The following MAP2K1 variants were observed in gnomAD, a reference collection of about 807,000 sequenced individuals.
MAP2K1 encodes the protein dual specificity mitogen-activated protein kinase kinase 1.
Under a neutral mutation model 46.3 loss-of-function variants are expected in MAP2K1, and 16 were observed. The observed-to-expected ratio is 0.35, with a 90% CI of 0.23 to 0.52. The LOEUF (loss-of-function observed/expected upper bound fraction) is 0.52. Among genes scored for constraint, MAP2K1 ranks in the 20% least tolerant of loss-of-function variants. MAP2K1 has a pLI of 0.94. For missense variants in MAP2K1, 263 were observed against 497.1 expected (o/e 0.53, Z 4.48); for synonymous variants, 183 against 185.6 (o/e 0.99, Z 0.11).
At chr15:66,410,138 C>T (rs968876880) in intron 1 of MAP2K1, among the ~76,000 whole-genome samples, 2 of 152,172 alleles carry the variant, frequency 1.3e-5, no homozygotes, top group African/African-American at 4.8e-5. Context: ...TGTGCAGGGC[C>T]CTTGTTTTTT....
chr15:66,426,493 T>C (rs77951277), intron 1 of MAP2K1, among the ~76,000 whole-genome samples: 35 of 152,278 alleles, frequency 2.3e-4, no homozygotes, highest in African/African-American at 7.9e-4. Flanking sequence ...AAAACCTAGT[T>C]CTTCAGTAGA....
rs1411228028 is a variant in MAP2K1, at chr15:66,490,792, C to T, written c.*177C>T. 4 of 689,786 alleles carry T rather than the reference C, an allele frequency of 5.8e-6. No homozygotes were observed. The Admixed American group carries it at 8.1e-5, about 14-fold the overall frequency. 42.7% of individuals were successfully genotyped at this position (689,786 alleles called of 1,614,324 possible). A position where few individuals can be genotyped will look rare whatever the true frequency, so the allele number is the denominator to read the frequency against. On this transcript the variant is annotated 3_prime_UTR_variant, in exon 11 of 11. Coordinates refer to ENST00000307102, the MANE Select transcript of MAP2K1 (RefSeq NM_002755.4). ...CATTTTTAATATTACTGTCTTTATT[C>T]TTATTACTATTATTGTTCCCCTAAG...
At chr15:66,463,373 T>C (rs1468561671) in intron 5 of MAP2K1, among the ~76,000 whole-genome samples, 1 of 152,234 alleles carries the variant, frequency 6.6e-6, no homozygotes, top group Non-Finnish European at 1.5e-5. Flanking sequence ...TATCTGAGAC[T>C]ACTCTCAGTT....
Position 66,481,816 on chromosome 15 carries a change from G to T in MAP2K1, c.630G>T (p.Gly210=), listed in dbSNP as rs1595884752. 6.2e-7 allele frequency: 1 copy of T among 1,613,914 alleles called. No homozygotes were observed. The highest frequency in any genetic ancestry group is 8.5e-7 in the Non-Finnish European group (1 of 1,179,990). The change falls in exon 6 of 11, where the codon GGG becomes GGT. Residue 210 remains glycine, a synonymous_variant. Coordinates refer to ENST00000307102, the MANE Select transcript of MAP2K1 (RefSeq NM_002755.4). ...GGGAGATCAAGCTCTGTGACTTTGGGGTCAGCGGGCAGCTCATCGACTCCA... is the reference window on the plus strand; with the variant it reads ...GGGAGATCAAGCTCTGTGACTTTGGTGTCAGCGGGCAGCTCATCGACTCCA... ...SRGEIKLCDF[G]VSGQLIDSMA...
At chr15:66,436,685 T>G in intron 2 of MAP2K1, 61 bp from the exon 3 acceptor site, 27 of 1,500,360 alleles carry the variant, frequency 1.8e-5, no homozygotes, top group Non-Finnish European at 2.4e-5. Context: ...CAAGACTATA[T>G]CTTTCATCCC....
At chr15:66,460,747 C>A (rs948730030) in intron 5 of MAP2K1, among the ~76,000 whole-genome samples, 18 of 151,968 alleles carry the variant, frequency 1.2e-4, no homozygotes, top group African/African-American at 4.4e-4. Flanking sequence ...GAGGCCGTTG[C>A]TATGGGCCAG....
intron 1 of MAP2K1, among the ~76,000 whole-genome samples, chr15:66,410,832 G>A (rs1396955699): frequency 6.6e-6 from 1 of 152,164 alleles, no homozygotes; most frequent in Non-Finnish European, 1.5e-5. Context: ...AGATCACTTG[G>A]CAGGGATGTG....
At chr15:66,407,655 G>T (rs908049292) in intron 1 of MAP2K1, among the ~76,000 whole-genome samples, 7 of 152,212 alleles carry the variant, frequency 4.6e-5, no homozygotes, top group Admixed American at 2.0e-4. Context: ...GTTGTCTTCT[G>T]TTGTAATCTT....
At chr15:66,475,620 T>C (rs540898675) in intron 5 of MAP2K1, among the ~76,000 whole-genome samples, 1 of 152,330 alleles carries the variant, frequency 6.6e-6, no homozygotes, top group South Asian at 2.1e-4. Flanking sequence ...TATTAGGATA[T>C]AGTGGAAACA....
At chr15:66,449,879 A>G (rs1271565421) in intron 5 of MAP2K1, among the ~76,000 whole-genome samples, 2 of 151,834 alleles carry the variant, frequency 1.3e-5, no homozygotes, top group African/African-American at 4.8e-5. Flanking sequence ...AAAACTGTCA[A>G]AAATCCTCAA....
chr15:66,387,235 G>A lies in MAP2K1; in HGVS notation c.-113G>A. ...GGGCGCACCCGCTGAAGGCAGCCCC[G>A]GGGCCCGCGGCCCGGACTTGGTCCT... On this transcript the variant is annotated 5_prime_UTR_variant, in exon 1 of 11. Coordinates refer to ENST00000307102, the MANE Select transcript of MAP2K1 (RefSeq NM_002755.4). 3.5e-6 allele frequency: 3 copies of A among 857,276 alleles called. No individual in the cohort carries two copies. The highest frequency in any genetic ancestry group is 1.8e-5 in the South Asian group (1 of 56,854). 53.1% of individuals were successfully genotyped at this position (857,276 alleles called of 1,614,324 possible). A position where few individuals can be genotyped will look rare whatever the true frequency, so the allele number is the denominator to read the frequency against.
intron 1 of MAP2K1, among the ~76,000 whole-genome samples, chr15:66,422,146 G>A (rs1335124864): frequency 6.6e-6 from 1 of 152,150 alleles, no homozygotes; most frequent in South Asian, 2.1e-4. Context: ...ACATGAAAAC[G>A]TGGGGATTAA....
intron 1 of MAP2K1, 141 bp downstream of exon 1, chr15:66,387,568 G>A: frequency 2.4e-6 from 2 of 825,094 alleles, no homozygotes; most frequent in Non-Finnish European, 4.0e-6. Flanking sequence ...GGCCGCCGAG[G>A]TATCGGTGAC....
intron 4 of MAP2K1, among the ~76,000 whole-genome samples, chr15:66,444,293 G>T (rs1160047759): frequency 2.6e-5 from 4 of 150,996 alleles, no homozygotes; most frequent in Non-Finnish European, 5.9e-5. Context: ...CAGCACTTTG[G>T]GAGGCCAAGG....
chr15:66,411,063 C>T (rs542482931), intron 1 of MAP2K1, among the ~76,000 whole-genome samples: 17 of 150,308 alleles, frequency 1.1e-4, no homozygotes, highest in Non-Finnish European at 1.8e-4. Context: ...ATGTTATGTG[C>T]GTTGAGTTTC....
chr15:66,490,685 C>T lies in MAP2K1; in HGVS notation c.*70C>T, dbSNP rs1893226912. On this transcript the variant is annotated 3_prime_UTR_variant, in exon 11 of 11. Transcript: ENST00000307102. ...GCCATGTCGCTTTTGGGCCTCCTTC[C>T]CATGCCTGTCTCTGTTCAGATGTGC... 9.5e-7 allele frequency: 1 copy of T among 1,054,668 alleles called. No homozygotes were observed. Among genetic ancestry groups the T allele is most frequent in the Non-Finnish European group, 1.5e-6 (1 of 671,082 alleles). The allele number at this position is 1,054,668 out of a possible 1,614,324, so 65.3% of individuals were successfully genotyped here.
In MAP2K1 at chr15:66,420,805, G is replaced by GTA. The variant is rs1327368528; in HGVS notation, c.81-14214_81-14213dup. ...TATATATATGTGTGTATATATATGTGTATATATATGTGTATATATATATGT... is the reference window on the plus strand; with the variant it reads ...TATATATATGTGTGTATATATATGTGTATATATATATGTGTATATATATATGT... On this transcript the variant is annotated intron_variant, in intron 1 of 10. Transcript: ENST00000307102. Among the ~76,000 whole-genome samples, 426 of 63,066 alleles carry GTA rather than the reference G, an allele frequency of 6.8e-3. 38 individuals are homozygous for GTA. Among genetic ancestry groups the GTA allele is most frequent in the African/African-American group, 0.019 (401 of 21,546 alleles). 41.4% of individuals were successfully genotyped at this position (63,066 alleles called of 152,430 possible). A position where few individuals can be genotyped will look rare whatever the true frequency, so the allele number is the denominator to read the frequency against.
intron 5 of MAP2K1, among the ~76,000 whole-genome samples, chr15:66,464,953 T>C (rs62010233): frequency 0.056 from 8,527 of 151,700 alleles, 344 homozygotes; most frequent in Middle Eastern, 0.11. Context: ...CCAGGCACAG[T>C]GGCTCACACC....
intron 1 of MAP2K1, among the ~76,000 whole-genome samples, chr15:66,420,757 GTGTATGTGTGTATATATATGTGTATA>G (rs1567002986): frequency 2.0e-4 from 4 of 20,252 alleles, no homozygotes; most frequent in East Asian, 1.7e-3. Flanking sequence ...GTGTGTGTGT[GTGTATGTGTGTATATATATGTGTATA>G]TATATGTGTG....
Sources: gnomAD v4.1 joint callset for allele counts (sites outside exome capture counted in the v4.1 genomes callset) on GRCh38, gnomAD v4.1.1 for gene constraint, MANE v1.5 for transcripts, NCBI Gene and HGNC (gene_info 2026-07-23, HGNC 2026-07-21) for gene names.